The following SLC17A5 variants were observed in gnomAD, a reference collection of about 807,000 sequenced individuals.
SLC17A5 encodes the protein sialin.
In SLC17A5, 47 loss-of-function variants were observed where a neutral mutation model predicts 59.4. The observed-to-expected ratio is 0.79, with a 90% confidence interval of 0.63 to 1.01. SLC17A5 has a LOEUF of 1.01. Among genes scored for constraint, SLC17A5 ranks in the 50% least tolerant of loss-of-function variants. The pLI is 0.00. For missense variants in SLC17A5, 522 were observed against 595.5 expected, an observed-to-expected ratio of 0.88 and a Z score of 1.28; for synonymous variants, 202 against 210.7, an observed-to-expected ratio of 0.96 and a Z score of 0.36.
At chr6:73,644,196 C>T (rs978979284) in intron 2 of SLC17A5, among the ~76,000 whole-genome samples, 2 of 152,112 alleles carry the variant, frequency 1.3e-5, no homozygotes, top group African/African-American at 4.8e-5. Context: ...AACTACTTTT[C>T]AAACAGATGA....
At chr6:73,619,931 T>C (rs1312364321) in intron 7 of SLC17A5, among the ~76,000 whole-genome samples, 1 of 149,548 alleles carries the variant, frequency 6.7e-6, no homozygotes, top group Non-Finnish European at 1.5e-5. Flanking sequence ...TGTTTTTTTT[T>C]TTTTTTTTTT....
At chr6:73,652,370 A>G (rs1408353721) in intron 1 of SLC17A5, among the ~76,000 whole-genome samples, 1 of 152,258 alleles carries the variant, frequency 6.6e-6, no homozygotes, top group Non-Finnish European at 1.5e-5. Context: ...ATTGAGATGT[A>G]TAACTTTTCT....
intron 3 of SLC17A5, among the ~76,000 whole-genome samples, chr6:73,639,914 C>T (rs1202706588): frequency 3.9e-5 from 6 of 152,056 alleles, no homozygotes; most frequent in East Asian, 1.9e-4. Flanking sequence ...GGCATGGTGG[C>T]GCATGCCTGT....
At chr6:73,653,746 C>G (rs1769982049) in intron 1 of SLC17A5, 47 bp downstream of exon 1, 1 of 1,514,412 alleles carries the variant, frequency 6.6e-7, no homozygotes, top group South Asian at 1.2e-5. Context: ...ACCGCCGCCC[C>G]CGGTACCGCT....
chr6:73,623,974 G>A (rs1422741741), intron 6 of SLC17A5, among the ~76,000 whole-genome samples: 2 of 152,050 alleles, frequency 1.3e-5, no homozygotes, highest in African/African-American at 4.8e-5. Context: ...TGGGATTACA[G>A]GCGTGAGCCA....
chr6:73,631,748 A>T (rs1768722607), intron 6 of SLC17A5, among the ~76,000 whole-genome samples: 1 of 151,838 alleles, frequency 6.6e-6, no homozygotes, highest in Admixed American at 6.5e-5. Flanking sequence ...TGCAGGCTAT[A>T]TTGTATTGAA....
chr6:73,609,372 C>T (rs555151), intron 9 of SLC17A5, among the ~76,000 whole-genome samples: 16,349 of 152,072 alleles, frequency 0.11, 1,054 homozygotes, highest in Middle Eastern at 0.17. Context: ...CTGTGTGCTG[C>T]AAGATAAATC....
At position 73,653,836 on chromosome 6, in the gene SLC17A5, C is replaced by G. The variant is rs1380441539; in HGVS notation, c.51G>C (p.Thr17=). 3.1e-6 allele frequency: 5 copies of G among 1,605,202 alleles called. No homozygotes were observed. Among genetic ancestry groups the G allele is most frequent in the South Asian group, 1.1e-5 (1 of 89,492 alleles). ...CGCCCGGTAGAAGAGGCGTGCGGTC[C>G]GTGCTCTCCTCGCCATCGTTCCGGG... ...DLARNDGEES[T]DRTPLLPGAP... The change falls in exon 1 of 11, where the codon ACG becomes ACC. Residue 17 remains threonine (T), a synonymous_variant. Coordinates refer to ENST00000355773, the MANE Select transcript of SLC17A5 (RefSeq NM_012434.5).
chr6:73,641,659 A>G (rs1458548355), intron 3 of SLC17A5, 32 bp downstream of exon 3: 1 of 1,461,212 alleles, frequency 6.8e-7, no homozygotes, highest in Admixed American at 1.8e-5. Context: ...GACACACGGT[A>G]AGAAGTAAAA....
intron 6 of SLC17A5, among the ~76,000 whole-genome samples, chr6:73,632,180 T>A (rs1412576755): frequency 6.8e-6 from 1 of 147,988 alleles, no homozygotes; most frequent in East Asian, 2.0e-4. Context: ...GCACCTGTAG[T>A]CCCAGCTACT....
intron 7 of SLC17A5, chr6:73,618,585 GA>G: frequency 1.9e-6 from 1 of 515,160 alleles, no homozygotes. Context: ...CCTTCAGGAG[GA>G]AGCAGCACTA....
intron 10 of SLC17A5, among the ~76,000 whole-genome samples, chr6:73,595,430 A>T (rs1347981639): frequency 1.3e-5 from 2 of 152,262 alleles, no homozygotes; most frequent in Non-Finnish European, 2.9e-5. Context: ...TCATAAATAC[A>T]GCTCACAAAC....
intron 4 of SLC17A5, among the ~76,000 whole-genome samples, chr6:73,638,139 A>T (rs1233275482): frequency 6.6e-6 from 1 of 152,236 alleles, no homozygotes; most frequent in East Asian, 1.9e-4. Context: ...AAAGAAAAAA[A>T]ATAGCATCTC....
intron 9 of SLC17A5, among the ~76,000 whole-genome samples, chr6:73,605,485 T>C (rs781277061): frequency 1.4e-4 from 21 of 152,110 alleles, no homozygotes; most frequent in Non-Finnish European, 2.2e-4. Context: ...CAATAAGATA[T>C]GTAGCCAAGA....
In SLC17A5 at chr6:73,600,359, T is replaced by C. The variant is rs932945242; in HGVS notation, c.1342A>G (p.Thr448Ala). Reference sequence around the variant, plus strand: ...GTAAATTATCTACTTACATCAGGGGTCAGACTTTTAGCAATGACGGGCCCA... The same window carrying C: ...GTAAATTATCTACTTACATCAGGGGCCAGACTTTTAGCAATGACGGGCCCA... ...MVGPVIAKSL[T>A]PDNTVGEWQT... is the part of the protein sequence containing the mutation. Residue 448 changes from threonine to alanine, a missense_variant, in exon 10 of 11, where the codon ACC becomes GCC. Thr to Ala is a moderately conservative substitution (Grantham distance 58, BLOSUM62 0). This residue lies in a region of SLC17A5 where 153 missense variants were observed against 168.5 expected (regional missense o/e 0.91). Coordinates refer to ENST00000355773, the MANE Select transcript of SLC17A5 (RefSeq NM_012434.5). The C allele has an allele frequency of 6.2e-6, 10 of 1,612,838 alleles. No homozygotes were observed. Among genetic ancestry groups the C allele is most frequent in the Non-Finnish European group, 7.6e-6 (9 of 1,179,044 alleles).
intron 1 of SLC17A5, chr6:73,653,447 G>A: frequency 2.0e-6 from 2 of 985,328 alleles, no homozygotes; most frequent in Non-Finnish European, 2.4e-6. Flanking sequence ...TGGGTCCCTT[G>A]CTCAGCACTA....
chr6:73,646,408 G>GTT (rs1769567547), intron 1 of SLC17A5, among the ~76,000 whole-genome samples: 1 of 151,596 alleles, frequency 6.6e-6, no homozygotes, highest in African/African-American at 2.4e-5. Flanking sequence ...TTTTCCCTGT[G>GTT]TAAGATTAAC....
intron 8 of SLC17A5, among the ~76,000 whole-genome samples, chr6:73,611,524 C>A (rs1352975123): frequency 6.6e-6 from 1 of 151,998 alleles, no homozygotes; most frequent in African/African-American, 2.4e-5. Context: ...AAGCGATCCA[C>A]CCACCTTGCC....
chr6:73,597,421 C>T (rs899471007), intron 10 of SLC17A5, among the ~76,000 whole-genome samples: 12 of 151,762 alleles, frequency 7.9e-5, no homozygotes, highest in African/African-American at 2.2e-4. Flanking sequence ...GAGCCAAGAT[C>T]GTGCCACTGC....
Sources: allele counts gnomAD v4.1 joint callset (sites outside exome capture counted in the v4.1 genomes callset), GRCh38; gene constraint gnomAD v4.1.1; regional missense constraint gnomAD v4.1.1; transcripts MANE v1.5; gene names NCBI Gene and HGNC (gene_info 2026-07-23, HGNC 2026-07-21).